The following MAP4 variants were observed in gnomAD, a reference collection of about 807,000 sequenced individuals.
The protein encoded by MAP4 is microtubule-associated protein 4.
MAP4 carries 76 observed loss-of-function variants against 170.2 expected under a neutral mutation model. The observed-to-expected ratio is 0.45, with a 90% CI of 0.37 to 0.54. The LOEUF is 0.54. MAP4 is among the 20% of genes least tolerant of loss of function. MAP4 has a pLI of 0.00. For synonymous variants in MAP4, 909 were observed against 994.5 expected, an observed-to-expected ratio of 0.91 and a Z score of 1.62; for missense variants, 2,506 against 2,748.0, an observed-to-expected ratio of 0.91 and a Z score of 1.97.
intron 1 of MAP4, among the ~76,000 whole-genome samples, chr3:48,059,467 A>C (rs2100133967): frequency 7.2e-6 from 1 of 138,726 alleles, no homozygotes; most frequent in African/African-American, 2.8e-5. Context: ...GTGAGCCGAG[A>C]TCGTGCCACT....
At chr3:47,944,531 C>T (rs1358717891) in intron 3 of MAP4, among the ~76,000 whole-genome samples, 1 of 151,668 alleles carries the variant, frequency 6.6e-6, no homozygotes, top group African/African-American at 2.4e-5. Context: ...AAATATAATC[C>T]CCCATTTTTA....
intron 15 of MAP4, 120 bp from the exon 16 acceptor site, chr3:47,869,447 G>C (rs2086982337): frequency 1.5e-6 from 1 of 686,916 alleles, no homozygotes; most frequent in Non-Finnish European, 2.6e-6. Flanking sequence ...AAAAGCAGGT[G>C]GCCTTTGATC....
chr3:48,007,444 A>G (rs977440170), intron 1 of MAP4, among the ~76,000 whole-genome samples: 1 of 152,204 alleles, frequency 6.6e-6, no homozygotes, highest in African/African-American at 2.4e-5. Flanking sequence ...AAAGGCTGCC[A>G]GTTTTGAGTG....
chr3:48,083,483 A>G (rs2100147606), intron 1 of MAP4, among the ~76,000 whole-genome samples: 1 of 151,682 alleles, frequency 6.6e-6, no homozygotes, highest in Admixed American at 6.6e-5. Flanking sequence ...CTCCTGCCTC[A>G]GCTTCCCGAG....
chr3:48,072,327 T>C (rs1579804830), intron 1 of MAP4, among the ~76,000 whole-genome samples: 1 of 151,978 alleles, frequency 6.6e-6, no homozygotes. Flanking sequence ...CTGGCCAACA[T>C]GGCAAAACTG....
chr3:47,915,081 G>T, intron 7 of MAP4, 142 bp from the exon 8 acceptor site: 1 of 936,834 alleles, frequency 1.1e-6, no homozygotes, highest in Non-Finnish European at 1.6e-6. Flanking sequence ...GTAGTTGGAA[G>T]CTGAAGTTGG....
chr3:47,907,123 C>T (rs1258799994), intron 9 of MAP4, among the ~76,000 whole-genome samples: 2 of 152,168 alleles, frequency 1.3e-5, no homozygotes, highest in African/African-American at 4.8e-5. Context: ...GTGTGAGCCA[C>T]TGCGCCTGGC....
chr3:47,951,709 C>T (rs2100064052), intron 3 of MAP4, among the ~76,000 whole-genome samples: 1 of 152,200 alleles, frequency 6.6e-6, no homozygotes, highest in Non-Finnish European at 1.5e-5. Context: ...ACAACCTCCA[C>T]CTCCCAGCCA....
At chr3:48,057,606 T>TAAAA (rs1297900290) in intron 1 of MAP4, among the ~76,000 whole-genome samples, 69 of 27,880 alleles carry the variant, frequency 2.5e-3, no homozygotes, top group East Asian at 0.019. Flanking sequence ...GAATTATCAA[T>TAAAA]AAAAAAATAA....
chr3:47,938,875 C>T (rs2100054618), intron 3 of MAP4, among the ~76,000 whole-genome samples: 1 of 152,228 alleles, frequency 6.6e-6, no homozygotes, highest in Non-Finnish European at 1.5e-5. Flanking sequence ...TATTTCAAAG[C>T]TTATAAAGAC....
Position 47,851,055 on chromosome 3 carries a change from C to T in MAP4, c.*1879G>A, listed in dbSNP as rs1467607162. 2.0e-5 allele frequency: 3 copies of T among 152,296 alleles called. No homozygotes were observed. Among genetic ancestry groups the T allele is most frequent in the African/African-American group, 7.2e-5 (3 of 41,470 alleles). The allele number at this position is 152,296 out of a possible 1,614,324, so 9.4% of individuals were successfully genotyped here. On this transcript the variant is annotated 3_prime_UTR_variant, in exon 21 of 21. Transcript: ENST00000683076. The stretch of plus-strand genomic sequence containing the variant: ...AGTGGAGGCAGCAGGTACTCTGGGC[C>T]TGTGCTGTTGCCCCTGAGGTGTCTC...
At chr3:48,079,544 A>G (rs1051720903) in intron 1 of MAP4, among the ~76,000 whole-genome samples, 2 of 151,988 alleles carry the variant, frequency 1.3e-5, no homozygotes, top group Non-Finnish European at 2.9e-5. Flanking sequence ...ACTCCCAACT[A>G]CTTGGGAGGC....
chr3:47,941,815 T>C (rs1172436393), intron 3 of MAP4, among the ~76,000 whole-genome samples: 1 of 151,000 alleles, frequency 6.6e-6, no homozygotes, highest in African/African-American at 2.4e-5. Flanking sequence ...GCGAAAACGC[T>C]ACCACTGTTC....
At chr3:47,971,163 G>A (rs905204668) in intron 3 of MAP4, among the ~76,000 whole-genome samples, 9 of 152,156 alleles carry the variant, frequency 5.9e-5, no homozygotes, top group African/African-American at 2.2e-4. Flanking sequence ...CTCATTAACT[G>A]GAAAATGAAA....
chr3:48,076,603 T>A (rs1214089608), intron 1 of MAP4, among the ~76,000 whole-genome samples: 1 of 150,908 alleles, frequency 6.6e-6, no homozygotes, highest in Non-Finnish European at 1.5e-5. Flanking sequence ...AGCTTGAGCC[T>A]GAGAGGTGGA....
At chr3:47,967,836 A>C (rs983964732) in intron 3 of MAP4, among the ~76,000 whole-genome samples, 2 of 152,066 alleles carry the variant, frequency 1.3e-5, no homozygotes, top group African/African-American at 4.8e-5. Context: ...GGTGGTGTGC[A>C]CCTGTAGTCC....
At chr3:48,027,438 G>A (rs902634410) in intron 1 of MAP4, among the ~76,000 whole-genome samples, 9 of 152,190 alleles carry the variant, frequency 5.9e-5, no homozygotes, top group African/African-American at 2.2e-4. Context: ...AGTTCAGAGT[G>A]CAAACCTAGG....
chr3:47,909,378 T>A lies in MAP4; in HGVS notation c.5043A>T (p.Glu1681Asp). ...KEISLACKIT[E>D]LESVSLPTPE... is the part of the protein sequence containing the mutation. ...GTGTTGGCAAGGAAACGCTTTCCAA[T>A]TCCGTGATTTTACAAGCCAGACTAA... is the stretch of plus-strand genomic sequence containing the variant. Residue 1681 changes from glutamate (E) to aspartate (D), a missense_variant, in exon 9 of 21, where the codon GAA becomes GAT. Glu to Asp is a conservative substitution (Grantham distance 45). Around this residue, in one of 3 missense-constraint regions of MAP4, gnomAD observed 2,008 missense variants for 2,206.0 expected, o/e 0.91. Coordinates refer to ENST00000683076, the MANE Select transcript of MAP4 (RefSeq NM_001385682.1). 6.2e-7 allele frequency: 1 copy of A among 1,613,936 alleles called. No individual in the cohort carries two copies. Among genetic ancestry groups the A allele is most frequent in the Non-Finnish European group, 8.5e-7 (1 of 1,179,828 alleles).
At chr3:47,858,023 T>TA (rs2059487969) in intron 17 of MAP4, among the ~76,000 whole-genome samples, 1 of 138,216 alleles carries the variant, frequency 7.2e-6, no homozygotes, top group African/African-American at 2.7e-5. Flanking sequence ...GGCCTTCACT[T>TA]TTTTTTTTTT....
Sources: allele counts gnomAD v4.1 joint callset (sites outside exome capture counted in the v4.1 genomes callset), GRCh38; gene constraint gnomAD v4.1.1; regional missense constraint gnomAD v4.1.1; transcripts MANE v1.5; gene names NCBI Gene and HGNC (gene_info 2026-07-23, HGNC 2026-07-21).